HTR4: variants seen among roughly 807,000 people sequenced by gnomAD.
HTR4 encodes 5-hydroxytryptamine receptor 4, also known as 5-hydroxytryptamine (serotonin) receptor 4, G protein-coupled.
A neutral mutation model predicts 36.8 loss-of-function variants in HTR4; 16 were observed. That is an observed-to-expected ratio of 0.43 (90% confidence interval 0.29 to 0.66). HTR4 has a LOEUF of 0.66. Among genes scored for constraint, HTR4 ranks in the 30% least tolerant of loss-of-function variants. The pLI, the probability that HTR4 is intolerant of heterozygous loss-of-function variation, is 0.13. For synonymous variants in HTR4, 189 were observed against 185.1 expected (o/e 1.02, Z -0.17); for missense variants, 438 against 490.9 (o/e 0.89, Z 1.02).
At chr5:148,607,277 AG>A (rs991603417) in intron 2 of HTR4, among the ~76,000 whole-genome samples, 7 of 152,128 alleles carry the variant, frequency 4.6e-5, no homozygotes, top group African/African-American at 1.7e-4. Flanking sequence ...AGTACTGCTT[AG>A]GGGGGAAAAA....
intron 4 of HTR4, among the ~76,000 whole-genome samples, chr5:148,531,804 C>T (rs1041207545): frequency 6.6e-6 from 1 of 152,112 alleles, no homozygotes. Flanking sequence ...CTGAAGAGAG[C>T]TTTTACATCC....
At chr5:148,464,501 A>T (rs532320933) in intron 5 of HTR4, among the ~76,000 whole-genome samples, 3 of 152,330 alleles carry the variant, frequency 2.0e-5, no homozygotes, top group African/African-American at 7.2e-5. Context: ...GATGCTGCAC[A>T]TATATCATCA....
At chr5:148,531,780 G>C (rs1333018382) in intron 4 of HTR4, among the ~76,000 whole-genome samples, 1 of 152,114 alleles carries the variant, frequency 6.6e-6, no homozygotes, top group Non-Finnish European at 1.5e-5. Context: ...TCTGCATAGT[G>C]GTTCTAGTGA....
chr5:148,543,056 C>T (rs367747732), intron 4 of HTR4, among the ~76,000 whole-genome samples: 29 of 152,256 alleles, frequency 1.9e-4, no homozygotes, highest in Non-Finnish European at 3.5e-4. Context: ...GCAAAGCCAA[C>T]GGAAATTCTT....
chr5:148,462,982 C>T (rs569691704), intron 5 of HTR4, among the ~76,000 whole-genome samples: 173 of 151,878 alleles, frequency 1.1e-3, no homozygotes, highest in African/African-American at 3.6e-3. Flanking sequence ...AAAAAGCTCT[C>T]GGTAAACTAA....
chr5:148,558,975 G>T (rs2113863165), intron 2 of HTR4, among the ~76,000 whole-genome samples: 1 of 152,264 alleles, frequency 6.6e-6, no homozygotes, highest in South Asian at 2.1e-4. Flanking sequence ...TGCATTTAAT[G>T]CACCTAACCT....
At chr5:148,519,537 G>A (rs1483339779) in intron 5 of HTR4, among the ~76,000 whole-genome samples, 1 of 152,104 alleles carries the variant, frequency 6.6e-6, no homozygotes, top group Non-Finnish European at 1.5e-5. Flanking sequence ...TATATAGCTG[G>A]TCATCATTAG....
Position 148,560,744 on chromosome 5 carries a change from C to T in HTR4, c.27-10482G>A, listed in dbSNP as rs146074599. On this transcript the variant is annotated intron_variant, in intron 2 of 6. Coordinates refer to ENST00000377888, the MANE Select transcript of HTR4 (RefSeq NM_000870.7). Reference sequence around the variant, plus strand: ...GCTGGAGCTCAGCATGGTTAAGAGACGTAATATTTTGTAACTATTAAGTGG... The same window carrying T: ...GCTGGAGCTCAGCATGGTTAAGAGATGTAATATTTTGTAACTATTAAGTGG... 3.0e-4 allele frequency among the ~76,000 whole-genome samples: 45 copies of T among 152,180 alleles called. No individual in the cohort carries two copies. In the East Asian group the frequency reaches 3.1e-3, roughly 10 times the overall value.
At chr5:148,474,709 C>T (rs1053303846), downstream of HTR4, among the ~76,000 whole-genome samples, 13 of 152,128 alleles carry the variant, frequency 8.5e-5, no homozygotes, top group African/African-American at 3.1e-4. Context: ...ACCTTCTAGG[C>T]AGCCAGAAAA....
At chr5:148,645,128 G>T (rs1753842466) in intron 1 of HTR4, 1 of 152,122 alleles carries the variant, frequency 6.6e-6, no homozygotes, top group African/African-American at 2.4e-5. Context: ...GGTATGAAAA[G>T]GTGGCAAGAA....
intron 2 of HTR4, among the ~76,000 whole-genome samples, chr5:148,567,471 T>A (rs1379621735): frequency 6.6e-6 from 1 of 152,164 alleles, no homozygotes; most frequent in Non-Finnish European, 1.5e-5. Context: ...TCAAAATTAT[T>A]CAATGGCTTC....
At chr5:148,515,330 T>A (rs2113782035) in intron 5 of HTR4, among the ~76,000 whole-genome samples, 1 of 152,314 alleles carries the variant, frequency 6.6e-6, no homozygotes, top group African/African-American at 2.4e-5. Flanking sequence ...ATTTTAATCC[T>A]ACATATATTT....
intron 2 of HTR4, among the ~76,000 whole-genome samples, chr5:148,591,350 T>C (rs907707225): frequency 1.3e-5 from 2 of 152,200 alleles, no homozygotes; most frequent in East Asian, 1.9e-4. Context: ...AATAGGTTTT[T>C]TTAATACTTC....
At chr5:148,613,389 T>A (rs1405769540) in intron 2 of HTR4, among the ~76,000 whole-genome samples, 1 of 150,958 alleles carries the variant, frequency 6.6e-6, no homozygotes, top group Non-Finnish European at 1.5e-5. Context: ...CGCAAATTAA[T>A]AAATGTAATC....
intron 2 of HTR4, among the ~76,000 whole-genome samples, chr5:148,560,205 T>A (rs9325105): frequency 0.011 from 1,017 of 91,404 alleles, 9 homozygotes; most frequent in East Asian, 0.02. Flanking sequence ...GCTTTTTTTT[T>A]AAAAAAAAAA....
At position 148,483,169 on chromosome 5, in the gene HTR4, G is replaced by C. The variant is rs374062446; in HGVS notation, c.*34C>G. On this transcript the variant is annotated 3_prime_UTR_variant, in exon 7 of 7. Coordinates refer to ENST00000377888, the MANE Select transcript of HTR4 (RefSeq NM_000870.7). ...CTTAGGACCTGGCCCTCTTTCGGAG[G>C]CATGGCTGTCTTCTGGGTCATTGTC... is the stretch of plus-strand genomic sequence containing the variant. 3.7e-6 allele frequency: 6 copies of C among 1,613,792 alleles called. No homozygotes were observed. The African/African-American group carries it at 8.0e-5, about 22-fold the overall frequency.
chr5:148,503,654 A>C (rs1217456412), intron 6 of HTR4, among the ~76,000 whole-genome samples: 1 of 152,204 alleles, frequency 6.6e-6, no homozygotes. Flanking sequence ...ATTAACCTTA[A>C]ATGTAAATCG....
chr5:148,521,828 G>A (rs1460121717), intron 5 of HTR4, among the ~76,000 whole-genome samples: 4 of 152,050 alleles, frequency 2.6e-5, no homozygotes, highest in Non-Finnish European at 4.4e-5. Flanking sequence ...CTGGGCTCAG[G>A]GCTTAGTTCT....
At chr5:148,466,070 AGGAGGATAAGGAGG>A in intron 5 of HTR4, 3 of 1,429,006 alleles carry the variant, frequency 2.1e-6, no homozygotes, top group Non-Finnish European at 2.8e-6. Flanking sequence ...GTGCTTTTAG[AGGAGGATAAGGAGG>A]GGAGCATAAT....
Sources: allele counts gnomAD v4.1 joint callset (sites outside exome capture counted in the v4.1 genomes callset), GRCh38; gene constraint gnomAD v4.1.1; transcripts MANE v1.5; gene names NCBI Gene and HGNC (gene_info 2026-07-23, HGNC 2026-07-21).